The following KLHDC4 variants were observed in gnomAD, a reference collection of about 807,000 sequenced individuals.
The protein encoded by KLHDC4 is kelch domain-containing protein 4.
Under a neutral mutation model 62.4 loss-of-function variants are expected in KLHDC4, and 90 were observed. The observed-to-expected ratio is 1.44, with a 90% CI of 1.22 to 1.72. The LOEUF is 1.72. KLHDC4 is among the 40% of genes most tolerant of loss of function. The pLI is 0.00. For missense variants in KLHDC4, 1,025 were observed against 699.7 expected, an observed-to-expected ratio of 1.47 and a Z score of -5.25; for synonymous variants, 386 against 284.4, an observed-to-expected ratio of 1.36 and a Z score of -3.59.
chr16:87,744,416 C>CA (rs34553451), intron 5 of KLHDC4, among the ~76,000 whole-genome samples: 2,372 of 108,232 alleles, frequency 0.022, 54 homozygotes, highest in African/African-American at 0.064. Context: ...ACTCCGTCTC[C>CA]AAAAAAAAAA....
downstream of KLHDC4, among the ~76,000 whole-genome samples, chr16:87,706,469 T>C (rs991332152): frequency 5.9e-5 from 9 of 151,860 alleles, no homozygotes; most frequent in Non-Finnish European, 1.3e-4. Context: ...AAACACAAGC[T>C]GCAGCCCTCG....
Position 87,700,681 on chromosome 16 carries a change from GTT to G in KLHDC4, c.*956_*957del, listed in dbSNP as rs1461457328. 246 of 226,052 alleles carry G rather than the reference GTT, an allele frequency of 1.1e-3. 1 individual carries two copies. The highest frequency in any genetic ancestry group is 6.9e-3 in the African/African-American group (210 of 30,388). The allele number at this position is 226,052 out of a possible 1,614,324, so 14.0% of individuals were successfully genotyped here. On this transcript the variant is annotated 3_prime_UTR_variant, in exon 1 of 1. Coordinates refer to the KLHDC4 transcript ENST00000446344. Reference sequence around the variant, plus strand: ...GGAGGGCAGAGGGCGGAGGGAGGAGGTTGGAGGGCGGAGGGAGGAGGTTGGAG... The same window carrying G: ...GGAGGGCAGAGGGCGGAGGGAGGAGGGGAGGGCGGAGGGAGGAGGTTGGAG...
chr16:87,761,810 G>C lies in KLHDC4; in HGVS notation c.191+139C>G, dbSNP rs78887463. On this transcript the variant is annotated intron_variant, in intron 2 of 11. Transcript: ENST00000270583. Reference sequence around the variant, plus strand: ...ACAGCCTCATTCCAGTTCTTCAGCAGAAAGTGACCAAGAACAGGTTTTAAT... The same window carrying C: ...ACAGCCTCATTCCAGTTCTTCAGCACAAAGTGACCAAGAACAGGTTTTAAT... 455 of 847,652 alleles carry C rather than the reference G, an allele frequency of 5.4e-4. 1 individual carries two copies. In the African/African-American group the frequency reaches 7.1e-3, roughly 13 times the overall value. The allele number at this position is 847,652 out of a possible 1,614,324, so 52.5% of individuals were successfully genotyped here. A position where few individuals can be genotyped will look rare whatever the true frequency, so the allele number is the denominator to read the frequency against.
intron 5 of KLHDC4, among the ~76,000 whole-genome samples, chr16:87,733,580 T>C (rs1289375094): frequency 1.3e-5 from 2 of 151,578 alleles, no homozygotes; most frequent in African/African-American, 4.9e-5. Flanking sequence ...TCCTCACTGA[T>C]GACCTGCCTC....
chr16:87,715,886 C>T (rs980953229), intron 7 of KLHDC4, among the ~76,000 whole-genome samples: 3 of 152,206 alleles, frequency 2.0e-5, no homozygotes, highest in African/African-American at 7.2e-5. Context: ...CAGGCATGCT[C>T]TGTGCCTCAT....
intron 9 of KLHDC4, 142 bp from the exon 10 acceptor site, chr16:87,709,809 G>A: frequency 1.0e-6 from 1 of 982,610 alleles, no homozygotes; most frequent in South Asian, 1.7e-5. Flanking sequence ...CGCCATCCCT[G>A]ACTGCCCTGG....
chr16:87,760,795 G>A (rs1309056247), intron 2 of KLHDC4, among the ~76,000 whole-genome samples: 1 of 152,142 alleles, frequency 6.6e-6, no homozygotes, highest in East Asian at 1.9e-4. Context: ...CACTTTGGGA[G>A]GCCAAGGCAG....
In KLHDC4 at chr16:87,701,772, C is replaced by T. The variant is rs752890796; in HGVS notation, c.743G>A (p.Arg248Gln). 22 of 456,684 alleles carry T rather than the reference C, an allele frequency of 4.8e-5. 1 individual carries two copies. The highest frequency in any genetic ancestry group is 1.7e-4 in the South Asian group (11 of 64,578). 28.3% of individuals were successfully genotyped at this position (456,684 alleles called of 1,614,324 possible). A position where few individuals can be genotyped will look rare whatever the true frequency, so the allele number is the denominator to read the frequency against. ...GCCCGTCCTCCCAAGCGTGCACACC[C>T]GTCCGCCATCCTTCTCCCGTCTGTG... The change falls in exon 1 of 1, where the codon CGG (arginine) becomes CAG (glutamine). Residue 248 changes from arginine (R) to glutamine (Q), a missense_variant. Physicochemically the swap from Arg to Gln is conservative, Grantham distance 43. Transcript: ENST00000446344.
At chr16:87,752,513 T>G (rs2044173317) in intron 4 of KLHDC4, among the ~76,000 whole-genome samples, 1 of 151,868 alleles carries the variant, frequency 6.6e-6, no homozygotes, top group Non-Finnish European at 1.5e-5. Flanking sequence ...ATTTTTGTAG[T>G]TTTAGTAGAG....
At chr16:87,708,133 G>A (rs1293390338) in intron 11 of KLHDC4, 58 bp from the exon 12 acceptor site, 19 of 658,140 alleles carry the variant, frequency 2.9e-5, no homozygotes, top group East Asian at 2.0e-4. Flanking sequence ...GGGGAGGCCC[G>A]TGCAGGAGGG....
chr16:87,744,207 G>A (rs2042677701), intron 5 of KLHDC4, among the ~76,000 whole-genome samples: 1 of 152,134 alleles, frequency 6.6e-6, no homozygotes, highest in Admixed American at 6.6e-5. Context: ...CCTGAGGTCA[G>A]GAGTTCAAGA....
At chr16:87,725,165 C>G (rs144817404) in intron 7 of KLHDC4, among the ~76,000 whole-genome samples, 3 of 152,174 alleles carry the variant, frequency 2.0e-5, no homozygotes, top group South Asian at 4.1e-4. Context: ...AGCGTCACCT[C>G]TGGGCGGAGG....
At chr16:87,734,505 T>G (rs376323311) in intron 5 of KLHDC4, among the ~76,000 whole-genome samples, 1 of 152,260 alleles carries the variant, frequency 6.6e-6, no homozygotes, top group East Asian at 1.9e-4. Flanking sequence ...AATTCGGTTC[T>G]CACTGCTCAA....
intron 7 of KLHDC4, among the ~76,000 whole-genome samples, chr16:87,720,542 G>A (rs1170879760): frequency 2.6e-5 from 3 of 116,582 alleles, no homozygotes; most frequent in African/African-American, 1.1e-4. Flanking sequence ...CTGCGGAGAC[G>A]CCGCGCCCCT....
chr16:87,753,458 C>A (rs1487782361), intron 4 of KLHDC4, among the ~76,000 whole-genome samples: 2 of 152,166 alleles, frequency 1.3e-5, no homozygotes, highest in African/African-American at 2.4e-5. Context: ...CTGCAAGGAA[C>A]TGAATCACCT....
At chr16:87,762,372 C>T (rs1485714176) in intron 1 of KLHDC4, among the ~76,000 whole-genome samples, 1 of 152,158 alleles carries the variant, frequency 6.6e-6, no homozygotes, top group Non-Finnish European at 1.5e-5. Context: ...CAGACTCGAG[C>T]CGTCGCACCT....
chr16:87,736,217 C>T (rs1390859384), intron 5 of KLHDC4, among the ~76,000 whole-genome samples: 2 of 152,220 alleles, frequency 1.3e-5, no homozygotes, highest in African/African-American at 4.8e-5. Context: ...ACCTGGACAG[C>T]ACAGTACTGT....
At chr16:87,709,140 G>A in intron 10 of KLHDC4, 125 bp downstream of exon 10, 2 of 1,224,384 alleles carry the variant, frequency 1.6e-6, no homozygotes, top group Admixed American at 2.2e-5. Context: ...GGAGGCAGGA[G>A]CACAGGCGAG....
At chr16:87,739,143 TCCACACACCAGCA>T (rs2041849359) in intron 5 of KLHDC4, among the ~76,000 whole-genome samples, 1 of 89,518 alleles carries the variant, frequency 1.1e-5, no homozygotes. Flanking sequence ...ACCTCATCCA[TCCACACACCAGCA>T]CCTCATCCAT....
Sources: gnomAD v4.1 joint callset for allele counts (sites outside exome capture counted in the v4.1 genomes callset) on GRCh38, gnomAD v4.1.1 for gene constraint, MANE v1.5 for transcripts, NCBI Gene and HGNC (gene_info 2026-07-23, HGNC 2026-07-21) for gene names.